Variants in PARD3 observed in about 807,000 individuals in gnomAD.
The protein encoded by PARD3 is partitioning defective 3 homolog.
In PARD3, 75 loss-of-function variants were observed where a neutral mutation model predicts 155.4. The observed-to-expected ratio is 0.48, with a 90% confidence interval of 0.40 to 0.58. The LOEUF (loss-of-function observed/expected upper bound fraction) is 0.58. Among genes scored for constraint, PARD3 ranks in the 20% least tolerant of loss-of-function variants. The probability of loss-of-function intolerance (pLI) is 0.00; values close to 1 mark genes in which losing one functional copy is unlikely to be tolerated. For missense variants in PARD3, 1,642 were observed against 1,721.7 expected (o/e 0.95, Z 0.82); for synonymous variants, 576 against 610.5 (o/e 0.94, Z 0.83).
intron 22 of PARD3, among the ~76,000 whole-genome samples, chr10:34,231,927 T>C (rs1444175564): frequency 1.3e-5 from 2 of 152,078 alleles, no homozygotes; most frequent in African/African-American, 4.8e-5. Context: ...GACCAAGAAA[T>C]AGGCTTTCTG....
At chr10:34,219,513 A>C (rs577654390) in intron 22 of PARD3, among the ~76,000 whole-genome samples, 4 of 152,158 alleles carry the variant, frequency 2.6e-5, no homozygotes, top group Non-Finnish European at 5.9e-5. Context: ...TTTCTATGCA[A>C]TGGCGTAGTA....
At chr10:34,662,732 C>A (rs1023042004) in intron 2 of PARD3, among the ~76,000 whole-genome samples, 1 of 151,972 alleles carries the variant, frequency 6.6e-6, no homozygotes, top group East Asian at 1.9e-4. Context: ...ATTAGCCCAG[C>A]GTGGTATTAG....
At chr10:34,400,797 G>A (rs574519983) in intron 6 of PARD3, among the ~76,000 whole-genome samples, 27 of 150,896 alleles carry the variant, frequency 1.8e-4, no homozygotes, top group Admixed American at 2.6e-4. Context: ...CTGCCATACT[G>A]CCAAATGGTT....
intron 20 of PARD3, among the ~76,000 whole-genome samples, chr10:34,307,589 C>G (rs778741672): frequency 6.6e-6 from 1 of 152,084 alleles, no homozygotes; most frequent in Admixed American, 6.6e-5. Context: ...ACCCAAGGGC[C>G]ATGGAGACTG....
intron 2 of PARD3, among the ~76,000 whole-genome samples, chr10:34,615,181 C>T (rs2091173426): frequency 6.6e-6 from 1 of 152,012 alleles, no homozygotes; most frequent in Non-Finnish European, 1.5e-5. Context: ...CAGAGTGAGG[C>T]TCCGTCTACT....
intron 1 of PARD3, among the ~76,000 whole-genome samples, chr10:34,757,861 C>G (rs10763999): frequency 0.25 from 38,415 of 152,092 alleles, 5,332 homozygotes; most frequent in East Asian, 0.54. Flanking sequence ...AACGATGCCC[C>G]ATTTTGTCCT....
intron 1 of PARD3, among the ~76,000 whole-genome samples, chr10:34,736,661 T>TATTA (rs1232336857): frequency 2.8e-5 from 4 of 141,568 alleles, no homozygotes; most frequent in African/African-American, 1.1e-4. Flanking sequence ...TTAATTTATT[T>TATTA]ATTTATTTAT....
chr10:34,257,593 A>G (rs1954723688), intron 22 of PARD3, among the ~76,000 whole-genome samples: 1 of 152,226 alleles, frequency 6.6e-6, no homozygotes, highest in Non-Finnish European at 1.5e-5. Context: ...GAAAGACATT[A>G]AAACAAAAAT....
At chr10:34,423,369 A>ATTTTTCC (rs1157114121) in intron 5 of PARD3, among the ~76,000 whole-genome samples, 2 of 152,104 alleles carry the variant, frequency 1.3e-5, no homozygotes, top group Non-Finnish European at 2.9e-5. Context: ...TTCCATTAGG[A>ATTTTTCC]GGAAAAAGTT....
chr10:34,599,824 C>T (rs555459232), intron 2 of PARD3, among the ~76,000 whole-genome samples: 129 of 152,236 alleles, frequency 8.5e-4, no homozygotes, highest in Non-Finnish European at 9.7e-4. Context: ...CATATTAAAG[C>T]CATGTTTTAA....
At chr10:34,740,218 G>A (rs1277174502) in intron 1 of PARD3, among the ~76,000 whole-genome samples, 2 of 152,172 alleles carry the variant, frequency 1.3e-5, no homozygotes, top group East Asian at 1.9e-4. Flanking sequence ...AGAGCTGGCC[G>A]GCTGGGAGAC....
chr10:34,470,857 A>T (rs2078304312), intron 3 of PARD3, among the ~76,000 whole-genome samples: 1 of 152,216 alleles, frequency 6.6e-6, no homozygotes. Flanking sequence ...ATTTCAAAGT[A>T]GCTAGAAGAG....
chr10:34,457,257 G>A (rs967449173), intron 4 of PARD3, among the ~76,000 whole-genome samples: 7 of 152,162 alleles, frequency 4.6e-5, no homozygotes, highest in Non-Finnish European at 1.0e-4. Context: ...AAACGGGCGC[G>A]GATTTCTCTG....
At chr10:34,784,975 T>A (rs1395807491) in intron 1 of PARD3, among the ~76,000 whole-genome samples, 3 of 152,210 alleles carry the variant, frequency 2.0e-5, no homozygotes, top group African/African-American at 7.2e-5. Context: ...ATCACTAAGT[T>A]TCCTCCCTGC....
intron 22 of PARD3, among the ~76,000 whole-genome samples, chr10:34,191,450 C>A (rs1025804953): frequency 1.3e-5 from 2 of 152,116 alleles, no homozygotes; most frequent in East Asian, 1.9e-4. Flanking sequence ...GGGAGAGGAG[C>A]TCTAATTGAC....
chr10:34,115,812 A>C (rs894589233), intron 24 of PARD3, among the ~76,000 whole-genome samples: 6 of 150,414 alleles, frequency 4.0e-5, no homozygotes, highest in Admixed American at 2.0e-4. Flanking sequence ...TCCCGGGTTC[A>C]CACCATTCTC....
chr10:34,781,890 G>T (rs746272024), intron 1 of PARD3, among the ~76,000 whole-genome samples: 25 of 152,186 alleles, frequency 1.6e-4, no homozygotes, highest in Non-Finnish European at 3.1e-4. Context: ...CAAACATGCA[G>T]AGGGCAGTGG....
intron 2 of PARD3, among the ~76,000 whole-genome samples, chr10:34,645,558 T>C (rs2132994981): frequency 6.6e-6 from 1 of 152,324 alleles, no homozygotes; most frequent in Middle Eastern, 3.4e-3. Flanking sequence ...ATGCTAAATT[T>C]ACTTGTAACC....
intron 2 of PARD3, among the ~76,000 whole-genome samples, chr10:34,652,113 C>T (rs1590415363): frequency 6.6e-6 from 1 of 152,190 alleles, no homozygotes; most frequent in Non-Finnish European, 1.5e-5. Flanking sequence ...CTATGCTTCC[C>T]GTGCTACATC....
Sources: allele counts gnomAD v4.1 joint callset (sites outside exome capture counted in the v4.1 genomes callset), GRCh38; gene constraint gnomAD v4.1.1; transcripts MANE v1.5; gene names NCBI Gene and HGNC (gene_info 2026-07-23, HGNC 2026-07-21).